Variants in NCKAP5 observed in about 807,000 individuals in gnomAD.
NCKAP5 encodes the protein nck-associated protein 5.
Under a neutral mutation model 167.0 loss-of-function variants are expected in NCKAP5, and 92 were observed. The ratio of observed to expected loss-of-function variants is 0.55; its 90% CI spans 0.47 to 0.66. The LOEUF is 0.66. Among genes scored for constraint, NCKAP5 ranks in the 30% least tolerant of loss-of-function variants. The probability of loss-of-function intolerance (pLI) is 0.00; values close to 1 mark genes in which losing one functional copy is unlikely to be tolerated. For missense variants in NCKAP5, 2,378 were observed against 2,315.0 expected (o/e 1.03, Z -0.56); for synonymous variants, 891 against 877.4 (o/e 1.02, Z -0.27).
chr2:133,186,415 T>C (rs1478846947), intron 5 of NCKAP5, among the ~76,000 whole-genome samples: 1 of 152,182 alleles, frequency 6.6e-6, no homozygotes, highest in Non-Finnish European at 1.5e-5. Context: ...CCTGCGGTTT[T>C]CTGTTTTCAC....
intron 6 of NCKAP5, among the ~76,000 whole-genome samples, chr2:133,111,485 T>C (rs536609810): frequency 2.6e-5 from 4 of 152,290 alleles, no homozygotes; most frequent in South Asian, 4.1e-4. Context: ...TGCCTGTGAA[T>C]TACCAGTGAA....
chr2:133,647,411 G>GGAAT, the NCKAP5 span, among the ~76,000 whole-genome samples: 1 of 116,680 alleles, frequency 8.6e-6, no homozygotes, highest in Non-Finnish European at 1.6e-5. Context: ...AAGGAAGGAA[G>GGAAT]GAAGGAAGAG....
At chr2:132,714,196 C>T (rs1236349073) in intron 19 of NCKAP5, among the ~76,000 whole-genome samples, 1 of 152,100 alleles carries the variant, frequency 6.6e-6, no homozygotes, top group Non-Finnish European at 1.5e-5. Flanking sequence ...ATGATATTTC[C>T]CTTAATGAAA....
In NCKAP5 at chr2:133,539,021, A is replaced by G. The variant is rs184773833; in HGVS notation, c.-62+20029T>C. 7.2e-3 allele frequency among the ~76,000 whole-genome samples: 1,039 copies of G among 145,030 alleles called. 12 individuals carry two copies. The highest frequency in any genetic ancestry group is 0.023 in the African/African-American group (891 of 38,450). On this transcript the variant is annotated intron_variant, in intron 2 of 19. Transcript: ENST00000409261. Reference sequence around the variant, plus strand: ...AGTGGCGCGATCTCGACTCACTGCAAGCTCCGCCTCCCGGGTTCACGCCAT... The same window carrying G: ...AGTGGCGCGATCTCGACTCACTGCAGGCTCCGCCTCCCGGGTTCACGCCAT...
intron 4 of NCKAP5, among the ~76,000 whole-genome samples, chr2:133,291,654 C>G (rs1679610170): frequency 6.6e-6 from 1 of 152,202 alleles, no homozygotes; most frequent in Non-Finnish European, 1.5e-5. Flanking sequence ...GAAGGCAAAG[C>G]CCGGACACCA....
chr2:133,196,918 C>T (rs1011886783), intron 5 of NCKAP5, among the ~76,000 whole-genome samples: 5 of 152,124 alleles, frequency 3.3e-5, no homozygotes, highest in Non-Finnish European at 7.4e-5. Context: ...AAGGTCATCA[C>T]CTAAAGCTCT....
chr2:133,610,701 C>T, the NCKAP5 span, among the ~76,000 whole-genome samples: 1 of 151,902 alleles, frequency 6.6e-6, no homozygotes, highest in South Asian at 2.1e-4. Context: ...CACACACACA[C>T]TCTCTCTCTC....
chr2:132,823,753 A>G (rs1054481083), intron 11 of NCKAP5, among the ~76,000 whole-genome samples: 1 of 152,216 alleles, frequency 6.6e-6, no homozygotes, highest in Non-Finnish European at 1.5e-5. Context: ...TACTTAAAAG[A>G]TACAGAATGG....
At chr2:132,991,979 C>T (rs369173469) in intron 7 of NCKAP5, among the ~76,000 whole-genome samples, 17 of 152,166 alleles carry the variant, frequency 1.1e-4, no homozygotes, top group African/African-American at 1.2e-4. Context: ...TGGGACTTGG[C>T]GCCACCCAGC....
intron 2 of NCKAP5, among the ~76,000 whole-genome samples, chr2:133,546,925 A>C (rs1322710105): frequency 6.6e-6 from 1 of 152,216 alleles, no homozygotes; most frequent in South Asian, 2.1e-4. Flanking sequence ...CAGCGTGAGC[A>C]ACACAGAAGA....
intron 8 of NCKAP5, among the ~76,000 whole-genome samples, chr2:132,957,461 A>G (rs558298982): frequency 2.0e-5 from 3 of 152,320 alleles, no homozygotes; most frequent in East Asian, 3.9e-4. Context: ...CAAAATTTCC[A>G]ACCTTCTGGG....
intron 19 of NCKAP5, among the ~76,000 whole-genome samples, chr2:132,717,001 C>T (rs1011585268): frequency 6.6e-6 from 1 of 152,168 alleles, no homozygotes; most frequent in Non-Finnish European, 1.5e-5. Flanking sequence ...ACCCCCAAAA[C>T]TCAGCATAGT....
At chr2:132,984,885 A>G (rs2077246450) in intron 7 of NCKAP5, among the ~76,000 whole-genome samples, 1 of 149,990 alleles carries the variant, frequency 6.7e-6, no homozygotes, top group Admixed American at 6.8e-5. Flanking sequence ...TAGACCAGGA[A>G]ATAACTGATA....
intron 6 of NCKAP5, among the ~76,000 whole-genome samples, chr2:133,034,031 A>C (rs1174184428): frequency 6.6e-6 from 1 of 152,158 alleles, no homozygotes; most frequent in Non-Finnish European, 1.5e-5. Flanking sequence ...TAGAATACCA[A>C]GCAGATTTAA....
intron 11 of NCKAP5, among the ~76,000 whole-genome samples, chr2:132,856,339 A>T (rs909655798): frequency 6.6e-5 from 10 of 152,110 alleles, no homozygotes; most frequent in Non-Finnish European, 1.2e-4. Context: ...ACTAAGAGAA[A>T]AAAAAAGCGG....
At chr2:133,270,636 C>T (rs2089465664) in intron 4 of NCKAP5, among the ~76,000 whole-genome samples, 1 of 152,202 alleles carries the variant, frequency 6.6e-6, no homozygotes, top group Admixed American at 6.5e-5. Context: ...ACAAACCACC[C>T]TCTCCTTTCT....
chr2:133,285,721 C>T (rs1000520643), intron 4 of NCKAP5, among the ~76,000 whole-genome samples: 9 of 152,192 alleles, frequency 5.9e-5, no homozygotes, highest in African/African-American at 2.2e-4. Flanking sequence ...ACCTACGGCA[C>T]CCAACTCAGT....
At chr2:133,623,801 C>G in the NCKAP5 span, among the ~76,000 whole-genome samples, 1 of 152,068 alleles carries the variant, frequency 6.6e-6, no homozygotes, top group Non-Finnish European at 1.5e-5. Flanking sequence ...GGTATCTACC[C>G]AGAGGAAAGG....
At chr2:132,930,858 AG>A (rs2149053657) in intron 8 of NCKAP5, 1 of 152,346 alleles carries the variant, frequency 6.6e-6, no homozygotes, top group East Asian at 1.9e-4. Flanking sequence ...TACTAAATGT[AG>A]GGTCCCAGTA....
Sources: allele counts gnomAD v4.1 joint callset (sites outside exome capture counted in the v4.1 genomes callset), GRCh38; gene constraint gnomAD v4.1.1; transcripts MANE v1.5; gene names NCBI Gene and HGNC (gene_info 2026-07-23, HGNC 2026-07-21).